The following EDIL3 variants were observed in gnomAD, a reference collection of about 807,000 sequenced individuals.
The protein encoded by EDIL3 is EGF like and discoidin domains 3.
In EDIL3, 37 loss-of-function variants were observed where a neutral mutation model predicts 67.4. The observed-to-expected ratio is 0.55, with a 90% CI of 0.42 to 0.72. The LOEUF (loss-of-function observed/expected upper bound fraction) is 0.72. EDIL3 is among the 30% of genes least tolerant of loss of function. The pLI is 0.00. For synonymous variants in EDIL3, 195 were observed against 196.3 expected (o/e 0.99, Z 0.05); for missense variants, 527 against 586.3 (o/e 0.90, Z 1.04).
intron 1 of EDIL3, among the ~76,000 whole-genome samples, chr5:84,291,753 T>G (rs1453472892): frequency 0.019 from 2,850 of 147,030 alleles, 90 homozygotes; most frequent in African/African-American, 0.065. Flanking sequence ...TAGATATATC[T>G]ATATATCTAT....
intron 1 of EDIL3, among the ~76,000 whole-genome samples, chr5:84,344,540 T>G (rs1345617362): frequency 6.6e-6 from 1 of 152,130 alleles, no homozygotes. Flanking sequence ...TTTTATGAAA[T>G]TTAAATACAA....
chr5:83,976,335 C>CT lies in EDIL3; in HGVS notation c.1138-12976dup, dbSNP rs1235011593. Among the ~76,000 whole-genome samples, 16 of 151,864 alleles carry CT rather than the reference C, an allele frequency of 1.1e-4. No individual in the cohort carries two copies. The South Asian group carries it at 1.5e-3, about 14-fold the overall frequency. ...TGTCAAGACTAATTCTGAAATAACA[C>CT]TTTTTTTCTGGAAAGCTTTCATGTC... On this transcript the variant is annotated intron_variant, in intron 9 of 10. Coordinates refer to ENST00000296591, the MANE Select transcript of EDIL3 (RefSeq NM_005711.5).
chr5:83,978,320 A>G (rs1331137386), intron 9 of EDIL3, among the ~76,000 whole-genome samples: 1 of 151,954 alleles, frequency 6.6e-6, no homozygotes, highest in Non-Finnish European at 1.5e-5. Flanking sequence ...CCTTAATAAA[A>G]AACAATTTTA....
At chr5:84,075,123 C>T (rs1316913082) in intron 6 of EDIL3, among the ~76,000 whole-genome samples, 1 of 151,728 alleles carries the variant, frequency 6.6e-6, no homozygotes, top group Non-Finnish European at 1.5e-5. Context: ...ACCGCATGTT[C>T]TCACTCATAG....
chr5:84,341,281 C>T (rs960108653), intron 1 of EDIL3, among the ~76,000 whole-genome samples: 9 of 152,020 alleles, frequency 5.9e-5, no homozygotes, highest in African/African-American at 1.4e-4. Flanking sequence ...TCAGAAAACA[C>T]TGAATGAGCT....
intron 1 of EDIL3, among the ~76,000 whole-genome samples, chr5:84,299,158 G>A (rs1746105966): frequency 1.3e-5 from 2 of 152,078 alleles, no homozygotes; most frequent in Admixed American, 1.3e-4. Flanking sequence ...CACGAGGACA[G>A]GTATAATCCC....
intron 1 of EDIL3, among the ~76,000 whole-genome samples, chr5:84,384,043 G>C (rs1748160544): frequency 6.6e-6 from 1 of 152,074 alleles, no homozygotes; most frequent in African/African-American, 2.4e-5. Context: ...TGGGGACGCT[G>C]TCTTCTACCG....
In EDIL3 at chr5:84,277,058, A is replaced by G. The variant is rs917775118; in HGVS notation, c.68-22846T>C. 3.3e-5 allele frequency among the ~76,000 whole-genome samples: 5 copies of G among 152,324 alleles called. 1 individual carries two copies. The South Asian group carries it at 1.0e-3, about 32-fold the overall frequency. ...CCCCTTAACACCAGTAGTCTATAAA[A>G]TGCTACTTATTACATAAAGTAAACC... On this transcript the variant is annotated intron_variant, in intron 1 of 10. Transcript: ENST00000296591.
chr5:84,302,805 G>A lies in EDIL3; in HGVS notation c.68-48593C>T, dbSNP rs1746186768. On this transcript the variant is annotated intron_variant, in intron 1 of 10. Transcript: ENST00000296591. ...CATGGAAACAATAGTAAAAACTAAAGTATTCAATCAAAGTAGAATGTGGAA... is the reference window on the plus strand; with the variant it reads ...CATGGAAACAATAGTAAAAACTAAAATATTCAATCAAAGTAGAATGTGGAA... Among the ~76,000 whole-genome samples the A allele has an allele frequency of 3.3e-5, 5 of 152,140 alleles. No individual in the cohort carries two copies. The South Asian group carries it at 1.0e-3, about 31-fold the overall frequency.
intron 6 of EDIL3, among the ~76,000 whole-genome samples, chr5:84,091,576 A>T (rs1172766666): frequency 6.6e-6 from 1 of 152,186 alleles, no homozygotes; most frequent in East Asian, 1.9e-4. Context: ...CAACACAAGG[A>T]GGTTTTCAGT....
At position 84,095,966 on chromosome 5, in the gene EDIL3, T is replaced by A. The variant is rs559249084; in HGVS notation, c.651+10683A>T. The stretch of plus-strand genomic sequence containing the variant: ...GCCTAGGGACTTGGTAATAAATCGT[T>A]ACAAATTTCTGTAGTACAAATTTCA... On this transcript the variant is annotated intron_variant, in intron 6 of 10. Transcript: ENST00000296591. Among the ~76,000 whole-genome samples the A allele has an allele frequency of 5.3e-5, 8 of 152,188 alleles. No individual in the cohort carries two copies. The South Asian group carries it at 1.7e-3, about 32-fold the overall frequency.
chr5:84,011,662 C>G (rs1208509884), intron 9 of EDIL3, among the ~76,000 whole-genome samples: 1 of 152,188 alleles, frequency 6.6e-6, no homozygotes, highest in Admixed American at 6.6e-5. Flanking sequence ...TACAGCATCT[C>G]TGACTTTCTC....
At chr5:84,178,732 A>C (rs1580363294) in intron 4 of EDIL3, among the ~76,000 whole-genome samples, 2 of 152,194 alleles carry the variant, frequency 1.3e-5, no homozygotes, top group South Asian at 4.1e-4. Flanking sequence ...TTCCAAATCC[A>C]GTCCTTTTTC....
chr5:84,178,495 T>A (rs1748958601), intron 4 of EDIL3, among the ~76,000 whole-genome samples: 3 of 152,176 alleles, frequency 2.0e-5, no homozygotes, highest in African/African-American at 7.2e-5. Flanking sequence ...TCTCAATATA[T>A]CACCCTTTTC....
At chr5:84,023,697 G>T (rs1242878368) in intron 9 of EDIL3, among the ~76,000 whole-genome samples, 1 of 152,052 alleles carries the variant, frequency 6.6e-6, no homozygotes, top group Non-Finnish European at 1.5e-5. Flanking sequence ...AAGCTGAAGA[G>T]ATTTGTTCTT....
chr5:84,052,384 G>T, intron 9 of EDIL3, among the ~76,000 whole-genome samples: 1 of 152,094 alleles, frequency 6.6e-6, no homozygotes, highest in African/African-American at 2.4e-5. Flanking sequence ...ATCAATGCTA[G>T]GAAGAAACTG....
At chr5:84,319,684 T>C (rs1020858332) in intron 1 of EDIL3, among the ~76,000 whole-genome samples, 3 of 152,082 alleles carry the variant, frequency 2.0e-5, no homozygotes, top group Admixed American at 2.0e-4. Flanking sequence ...CATTCTACTA[T>C]AAAGACACAT....
rs1283669678 is a variant in EDIL3 at position 84,243,150 on chromosome 5, AGTCTTT to A, written c.196+10928_196+10933del. On this transcript the variant is annotated intron_variant, in intron 2 of 10. Transcript: ENST00000296591. ...TTAAAGGGAAAAGGGTGAGGAAAAA[AGTCTTT>A]GTCTTTGGCATTACAGTGACCGATA... Among the ~76,000 whole-genome samples, 38 of 152,180 alleles carry A rather than the reference AGTCTTT, an allele frequency of 2.5e-4. 1 individual carries two copies. The highest frequency in any genetic ancestry group is 2.5e-3 in the Admixed American group (38 of 15,286).
intron 2 of EDIL3, among the ~76,000 whole-genome samples, chr5:84,242,232 A>G (rs987227382): frequency 1.2e-4 from 17 of 138,304 alleles, no homozygotes; most frequent in Admixed American, 1.1e-3. Flanking sequence ...ACTCTGTCTC[A>G]AAAAAAAAAA....
Sources: gnomAD v4.1 joint callset for allele counts (sites outside exome capture counted in the v4.1 genomes callset) on GRCh38, gnomAD v4.1.1 for gene constraint, MANE v1.5 for transcripts, NCBI Gene and HGNC (gene_info 2026-07-23, HGNC 2026-07-21) for gene names.